DNAJB6: variants seen among roughly 807,000 people sequenced by gnomAD.
DNAJB6 encodes DnaJ heat shock protein family (Hsp40) member B6.
A neutral mutation model predicts 42.7 loss-of-function variants in DNAJB6; 16 were observed. The ratio of observed to expected loss-of-function variants is 0.37; its 90% confidence interval spans 0.25 to 0.57. The LOEUF is 0.57. Among genes scored for constraint, DNAJB6 ranks in the 20% least tolerant of loss-of-function variants. The pLI is 0.74. For missense variants in DNAJB6, 347 were observed against 416.8 expected (o/e 0.83, Z 1.46); for synonymous variants, 170 against 163.5 (o/e 1.04, Z -0.30).
chr7:157,383,996 CAT>C (rs1167861195), intron 6 of DNAJB6, among the ~76,000 whole-genome samples: 2 of 152,172 alleles, frequency 1.3e-5, no homozygotes, highest in African/African-American at 4.8e-5. Flanking sequence ...ACCTGGTTCA[CAT>C]ATTTCTTCAG....
chr7:157,340,625 C>G (rs115546158), intron 1 of DNAJB6, among the ~76,000 whole-genome samples: 2 of 151,952 alleles, frequency 1.3e-5, no homozygotes, highest in African/African-American at 2.4e-5. Flanking sequence ...TGACCTGTTT[C>G]ATGTTCCTGG....
intron 5 of DNAJB6, chr7:157,380,192 G>GTT (rs1800684304): frequency 6.6e-6 from 1 of 152,152 alleles, no homozygotes; most frequent in Non-Finnish European, 1.5e-5. Flanking sequence ...TATTTGTAAT[G>GTT]TTTGTTTCTT....
At chr7:157,382,034 G>T in intron 5 of DNAJB6, 2 of 444,068 alleles carry the variant, frequency 4.5e-6, no homozygotes, top group Non-Finnish European at 7.9e-6. Flanking sequence ...TTGATACAAT[G>T]TATTGTAGTT....
intron 1 of DNAJB6, among the ~76,000 whole-genome samples, chr7:157,348,382 C>T (rs1798795487): frequency 6.6e-6 from 1 of 152,222 alleles, no homozygotes; most frequent in East Asian, 1.9e-4. Context: ...GCATGAGCCA[C>T]TGCGCCCAGT....
chr7:157,400,921 C>T (rs10440909), intron 8 of DNAJB6, among the ~76,000 whole-genome samples: 7,012 of 152,274 alleles, frequency 0.046, 178 homozygotes, highest in African/African-American at 0.07. Flanking sequence ...GCTGTGACCC[C>T]GGACTCTGGA....
intron 8 of DNAJB6, among the ~76,000 whole-genome samples, chr7:157,388,831 C>T (rs2117110086): frequency 6.6e-6 from 1 of 152,232 alleles, no homozygotes. Flanking sequence ...TTCCTTGTAG[C>T]TCCCCACCCC....
chr7:157,366,409 C>A (rs939243859), intron 3 of DNAJB6, 93 bp from the exon 4 acceptor site: 1 of 1,199,354 alleles, frequency 8.3e-7, no homozygotes, highest in East Asian at 2.4e-5. Flanking sequence ...TGTAAAACAT[C>A]GAAAACTGAT....
At chr7:157,384,581 T>C (rs1800955471) in intron 6 of DNAJB6, among the ~76,000 whole-genome samples, 1 of 152,198 alleles carries the variant, frequency 6.6e-6, no homozygotes, top group Non-Finnish European at 1.5e-5. Flanking sequence ...GTCTTTGGCA[T>C]GTCAGAAAAG....
At chr7:157,350,022 C>G (rs377416299) in intron 1 of DNAJB6, among the ~76,000 whole-genome samples, 1 of 152,280 alleles carries the variant, frequency 6.6e-6, no homozygotes, top group South Asian at 2.1e-4. Flanking sequence ...CTCCTTAGCT[C>G]AAGCGTTCCC....
At position 157,358,540 on chromosome 7, in the gene DNAJB6, C is replaced by T. The variant is rs3802100; in HGVS notation, c.-26-7C>T. 911,216 of 1,596,402 alleles carry T rather than the reference C, an allele frequency of 0.57. 262,231 individuals are homozygous for T. The highest frequency in any genetic ancestry group is 0.75 in the East Asian group (33,519 of 44,762). Reference sequence around the variant, plus strand: ...CCTCATCACTGACCACCTGTTTTTACTTGCAGGACCCATTCCAACAATCTC... The same window carrying T: ...CCTCATCACTGACCACCTGTTTTTATTTGCAGGACCCATTCCAACAATCTC... On this transcript the variant is annotated splice_polypyrimidine_tract_variant and splice_region_variant and intron_variant, in intron 1 of 9. Coordinates refer to ENST00000262177, the MANE Select transcript of DNAJB6 (RefSeq NM_058246.4).
Position 157,341,293 on chromosome 7 carries a change from T to A in DNAJB6, c.-27+4149T>A, listed in dbSNP as rs140399825. 4.2e-4 allele frequency among the ~76,000 whole-genome samples: 64 copies of A among 151,930 alleles called. 2 individuals are homozygous for A. The East Asian group carries it at 0.011, about 27-fold the overall frequency. On this transcript the variant is annotated intron_variant, in intron 1 of 9. Coordinates refer to ENST00000262177, the MANE Select transcript of DNAJB6 (RefSeq NM_058246.4). The stretch of plus-strand genomic sequence containing the variant: ...GCACCTGCCACTGCTCCCGACTGAT[T>A]TTTGTATTTTTAGTAGAGACGGGGG...
chr7:157,337,323 G>A (rs1798090234), intron 1 of DNAJB6, among the ~76,000 whole-genome samples, 179 bp downstream of exon 1: 1 of 151,550 alleles, frequency 6.6e-6, no homozygotes, highest in African/African-American at 2.4e-5. Context: ...GGTGGGCGGG[G>A]TCCTCTGGGT....
At chr7:157,373,944 G>A (rs1223032234) in intron 5 of DNAJB6, among the ~76,000 whole-genome samples, 1 of 152,178 alleles carries the variant, frequency 6.6e-6, no homozygotes, top group Non-Finnish European at 1.5e-5. Context: ...CTACTGGGGA[G>A]GCTGAGGTAG....
chr7:157,399,187 C>G (rs369756140), intron 8 of DNAJB6, among the ~76,000 whole-genome samples: 15 of 152,198 alleles, frequency 9.9e-5, no homozygotes, highest in African/African-American at 3.4e-4. Context: ...TGAGATCTTG[C>G]ACGAGTCAGG....
chr7:157,364,994 C>G lies in DNAJB6; in HGVS notation c.176-1508C>G, dbSNP rs59763466. ...TGAGAAGGGGTCTCACTCTGTTGCC[C>G]AGGCTGGAATGTAGTGGCATGATCA... On this transcript the variant is annotated intron_variant, in intron 3 of 9. Coordinates refer to ENST00000262177, the MANE Select transcript of DNAJB6 (RefSeq NM_058246.4). Among the ~76,000 whole-genome samples the G allele has an allele frequency of 5.9e-3, 906 of 152,346 alleles. 8 individuals carry two copies. Among genetic ancestry groups the G allele is most frequent in the African/African-American group, 0.021 (873 of 41,580 alleles).
At position 157,354,887 on chromosome 7, in the gene DNAJB6, A is replaced by C. The variant is rs1178468449; in HGVS notation, c.-26-3660A>C. ...GGAGCTCAAGGTAGAATTTACTAGA[A>C]AATGACCAGGTATGTAGGAGGTGGG... On this transcript the variant is annotated intron_variant, in intron 1 of 9. Coordinates refer to ENST00000262177, the MANE Select transcript of DNAJB6 (RefSeq NM_058246.4). Among the ~76,000 whole-genome samples, 14 of 152,146 alleles carry C rather than the reference A, an allele frequency of 9.2e-5. No homozygotes were observed. The East Asian group carries it at 2.7e-3, about 29-fold the overall frequency.
chr7:157,361,008 T>C (rs74925437), intron 2 of DNAJB6, among the ~76,000 whole-genome samples: 651 of 152,318 alleles, frequency 4.3e-3, no homozygotes, highest in Non-Finnish European at 7.0e-3. Flanking sequence ...AATCTTGTCC[T>C]GCATTCTCAT....
chr7:157,412,293 G>A (rs1175504741), intron 9 of DNAJB6: 1 of 152,174 alleles, frequency 6.6e-6, no homozygotes, highest in Non-Finnish European at 1.5e-5. Flanking sequence ...CCGGTGTCAG[G>A]GTGCTGGTGG....
chr7:157,345,652 T>A (rs1798646473), intron 1 of DNAJB6, among the ~76,000 whole-genome samples: 1 of 152,190 alleles, frequency 6.6e-6, no homozygotes, highest in Non-Finnish European at 1.5e-5. Context: ...TTTCGGCTTT[T>A]GTTCCTTGTG....
Sources: gnomAD v4.1 joint callset for allele counts (sites outside exome capture counted in the v4.1 genomes callset) on GRCh38, gnomAD v4.1.1 for gene constraint, MANE v1.5 for transcripts, NCBI Gene and HGNC (gene_info 2026-07-23, HGNC 2026-07-21) for gene names.